Variants in ELAPOR2 observed in about 807,000 individuals in gnomAD.
ELAPOR2 encodes the protein endosome-lysosome associated apoptosis and autophagy regulator family member 2, also known as endosome/lysosome-associated apoptosis and autophagy regulator family member 2.
Under a neutral mutation model 120.7 loss-of-function variants are expected in ELAPOR2, and 89 were observed. That is an observed-to-expected ratio of 0.74 (90% confidence interval 0.62 to 0.88). The LOEUF (loss-of-function observed/expected upper bound fraction) is 0.88. Among genes scored for constraint, ELAPOR2 ranks in the 40% least tolerant of loss-of-function variants. The probability of loss-of-function intolerance (pLI) is 0.00; values close to 1 mark genes in which losing one functional copy is unlikely to be tolerated. For missense variants in ELAPOR2, 1,134 were observed against 1,251.6 expected, an observed-to-expected ratio of 0.91 and a Z score of 1.42; for synonymous variants, 444 against 444.9, an observed-to-expected ratio of 1.00 and a Z score of 0.03.
chr7:86,888,655 CA>C (rs1479710867), intron 21 of ELAPOR2, among the ~76,000 whole-genome samples: 7 of 152,100 alleles, frequency 4.6e-5, no homozygotes, highest in African/African-American at 1.4e-4. Context: ...TTTCCATAGC[CA>C]TTATTTAGTC....
intron 1 of ELAPOR2, chr7:86,965,895 A>G (rs2116487428): frequency 1.0e-6 from 1 of 985,372 alleles, no homozygotes; most frequent in Non-Finnish European, 1.2e-6. Context: ...ATGACAAGTG[A>G]GAATAGAAAC....
At chr7:87,042,911 A>C (rs1256570058) in intron 1 of ELAPOR2, among the ~76,000 whole-genome samples, 1 of 152,218 alleles carries the variant, frequency 6.6e-6, no homozygotes, top group Non-Finnish European at 1.5e-5. Context: ...AGACGCAATA[A>C]AAAATGATAA....
At chr7:87,009,107 G>A (rs546613995) in intron 1 of ELAPOR2, among the ~76,000 whole-genome samples, 64 of 151,994 alleles carry the variant, frequency 4.2e-4, no homozygotes, top group African/African-American at 1.4e-3. Context: ...ACAAAACAAC[G>A]ACAACAAAAA....
chr7:86,893,250 T>G (rs1242809088), intron 19 of ELAPOR2, 150 bp from the exon 20 acceptor site: 1 of 554,644 alleles, frequency 1.8e-6, no homozygotes, highest in Non-Finnish European at 3.1e-6. Context: ...TAGAGGATTA[T>G]TCAGCATTCA....
intron 8 of ELAPOR2, among the ~76,000 whole-genome samples, chr7:86,932,610 C>T (rs1324073945): frequency 1.3e-5 from 2 of 151,870 alleles, no homozygotes; most frequent in Non-Finnish European, 2.9e-5. Flanking sequence ...TCTCCACTCC[C>T]TTTTGTAGTG....
At chr7:86,950,967 C>G (rs1201987554) in intron 2 of ELAPOR2, among the ~76,000 whole-genome samples, 1 of 152,204 alleles carries the variant, frequency 6.6e-6, no homozygotes, top group Non-Finnish European at 1.5e-5. Context: ...CAGAAAAACA[C>G]AGTTATGGAA....
At chr7:86,898,997 C>G (rs1788583173) in intron 18 of ELAPOR2, among the ~76,000 whole-genome samples, 2 of 152,110 alleles carry the variant, frequency 1.3e-5, no homozygotes, top group African/African-American at 4.8e-5. Flanking sequence ...AATAGCGTTG[C>G]AATCTTGGGT....
intron 21 of ELAPOR2, 122 bp downstream of exon 21, chr7:86,891,602 G>A (rs541587857): frequency 1.4e-6 from 1 of 719,478 alleles, no homozygotes; most frequent in Admixed American, 2.8e-5. Flanking sequence ...TATTTCTGTT[G>A]GATAAATACC....
chr7:86,909,165 G>C (rs1457743627), intron 16 of ELAPOR2, among the ~76,000 whole-genome samples: 3 of 151,932 alleles, frequency 2.0e-5, no homozygotes. Context: ...GAAAGTCAAT[G>C]CTAAATTCCT....
chr7:86,989,255 ATC>A (rs1792860145), intron 1 of ELAPOR2, among the ~76,000 whole-genome samples: 2 of 152,284 alleles, frequency 1.3e-5, no homozygotes, highest in East Asian at 1.9e-4. Context: ...TAGGCTCCAA[ATC>A]TCTGTTTAGC....
chr7:86,922,921 T>C (rs1177269324), intron 10 of ELAPOR2, among the ~76,000 whole-genome samples: 3 of 152,008 alleles, frequency 2.0e-5, no homozygotes, highest in Admixed American at 1.3e-4. Context: ...AAGCAATGAG[T>C]GTCTATAAGG....
intron 10 of ELAPOR2, among the ~76,000 whole-genome samples, chr7:86,921,654 C>G (rs993795313): frequency 3.3e-5 from 5 of 152,064 alleles, no homozygotes; most frequent in Non-Finnish European, 7.4e-5. Flanking sequence ...AAATTAAACA[C>G]TCATGATACC....
At chr7:86,938,041 T>C (rs1418914838) in intron 8 of ELAPOR2, 85 bp downstream of exon 8, 2 of 1,000,238 alleles carry the variant, frequency 2.0e-6, no homozygotes, top group Non-Finnish European at 3.0e-6. Flanking sequence ...GTCATAAATA[T>C]CTCTCACGAA....
chr7:87,040,168 C>T (rs1794729952), intron 1 of ELAPOR2, among the ~76,000 whole-genome samples: 1 of 152,248 alleles, frequency 6.6e-6, no homozygotes, highest in Admixed American at 6.5e-5. Context: ...TGAGATCAAA[C>T]TGCAAGGCGG....
At chr7:87,031,495 T>C (rs1193297357) in intron 1 of ELAPOR2, among the ~76,000 whole-genome samples, 1 of 152,110 alleles carries the variant, frequency 6.6e-6, no homozygotes. Context: ...TAAGTGAAAA[T>C]ATTAATAGTT....
At chr7:87,053,424 C>G (rs892092919) in intron 1 of ELAPOR2, among the ~76,000 whole-genome samples, 2 of 152,008 alleles carry the variant, frequency 1.3e-5, no homozygotes, top group Non-Finnish European at 2.9e-5. Context: ...ACAAATGGTG[C>G]CTTTGTGTGA....
At chr7:86,956,681 GA>G (rs1791484018) in intron 2 of ELAPOR2, among the ~76,000 whole-genome samples, 1 of 152,132 alleles carries the variant, frequency 6.6e-6, no homozygotes, top group African/African-American at 2.4e-5. Flanking sequence ...ATCTCTGAAA[GA>G]ACAAAACAGA....
intron 21 of ELAPOR2, among the ~76,000 whole-genome samples, chr7:86,888,701 G>T (rs1441476817): frequency 6.6e-6 from 1 of 152,136 alleles, no homozygotes; most frequent in Non-Finnish European, 1.5e-5. Context: ...CTAGTTTGCA[G>T]TGTGGACAAA....
intron 3 of ELAPOR2, among the ~76,000 whole-genome samples, chr7:86,947,056 T>C (rs1209272905): frequency 6.6e-6 from 1 of 152,156 alleles, no homozygotes; most frequent in Non-Finnish European, 1.5e-5. Flanking sequence ...CCTTAGCTTA[T>C]GGTAAAAATG....
Sources: gnomAD v4.1 joint callset for allele counts (sites outside exome capture counted in the v4.1 genomes callset) on GRCh38, gnomAD v4.1.1 for gene constraint, MANE v1.5 for transcripts, NCBI Gene and HGNC (gene_info 2026-07-23, HGNC 2026-07-21) for gene names.